GLRA3: variants seen among roughly 807,000 people sequenced by gnomAD.
The protein encoded by GLRA3 is glycine receptor subunit alpha-3.
Under a neutral mutation model 60.4 loss-of-function variants are expected in GLRA3, and 44 were observed. The ratio of observed to expected loss-of-function variants is 0.73; its 90% CI spans 0.57 to 0.94. The LOEUF (loss-of-function observed/expected upper bound fraction) is 0.94, where lower values mean the gene tolerates loss of function less well. GLRA3 is among the 40% of genes least tolerant of loss of function. The pLI, the probability that GLRA3 is intolerant of heterozygous loss-of-function variation, is 0.00. For missense variants in GLRA3, 508 were observed against 564.6 expected, an observed-to-expected ratio of 0.90 and a Z score of 1.02; for synonymous variants, 223 against 192.9, an observed-to-expected ratio of 1.16 and a Z score of -1.29.
At chr4:174,698,910 A>G (rs1252941079) in intron 5 of GLRA3, among the ~76,000 whole-genome samples, 3 of 152,190 alleles carry the variant, frequency 2.0e-5, no homozygotes, top group African/African-American at 7.2e-5. Context: ...ACAGAGACCC[A>G]GACATTACTG....
intron 7 of GLRA3, among the ~76,000 whole-genome samples, chr4:174,663,252 T>C (rs13106863): frequency 0.21 from 32,433 of 152,076 alleles, 4,015 homozygotes; most frequent in East Asian, 0.36. Context: ...CTGTATCAAA[T>C]GTCCATCTGT....
At chr4:174,714,872 G>A (rs1206421370) in intron 5 of GLRA3, among the ~76,000 whole-genome samples, 1 of 152,200 alleles carries the variant, frequency 6.6e-6, no homozygotes, top group African/African-American at 2.4e-5. Flanking sequence ...GGTCTACTTT[G>A]AAAGAAGAAA....
At position 174,677,102 on chromosome 4, in the gene GLRA3, T is replaced by C; in HGVS notation, c.903A>G (p.Ser301=). ...TTVLTMTTQS[S]GSRASLPKVS... Reference sequence around the variant, plus strand: ...CTTTTGGCAAGGAAGCTCGTGATCCTGAACTCTGTGTAGTCATCGTTAGCA... The same window carrying C: ...CTTTTGGCAAGGAAGCTCGTGATCCCGAACTCTGTGTAGTCATCGTTAGCA... Residue 301 remains serine, a synonymous_variant, in exon 7 of 10, where the codon TCA becomes TCG. Transcript: ENST00000274093. 1 of 1,611,806 alleles carries C rather than the reference T, an allele frequency of 6.2e-7. No homozygotes were observed. The highest frequency in any genetic ancestry group is 8.5e-7 in the Non-Finnish European group (1 of 1,177,960).
rs547163003 is a variant in GLRA3, at chr4:174,659,060, C to T, written c.1065G>A (p.Lys355=). ...KELLRFRRKR[K]NKTEAFALEK... ...AATACGTTTAATCACTTACCTTATT[C>T]TTTCTCTTTCGTCGAAATCTCAGAA... The change falls in exon 8 of 10, where the codon AAG becomes AAA. Residue 355 remains lysine, a synonymous_variant. Transcript: ENST00000274093. 356 of 1,612,370 alleles carry T rather than the reference C, an allele frequency of 2.2e-4. 3 individuals are homozygous for T. The South Asian group carries it at 3.7e-3, about 17-fold the overall frequency.
chr4:174,735,556 G>A (rs1736748084), intron 3 of GLRA3, among the ~76,000 whole-genome samples: 1 of 152,004 alleles, frequency 6.6e-6, no homozygotes, highest in Admixed American at 6.6e-5. Flanking sequence ...TTTGTATTTT[G>A]TATATTTATT....
chr4:174,652,225 A>C lies in GLRA3; in HGVS notation c.1116+4518T>G, dbSNP rs551270763. Among the ~76,000 whole-genome samples, 7 of 152,268 alleles carry C rather than the reference A, an allele frequency of 4.6e-5. No homozygotes were observed. In the South Asian group the frequency reaches 1.5e-3, roughly 32 times the overall value. On this transcript the variant is annotated intron_variant, in intron 9 of 9. Transcript: ENST00000274093. The stretch of plus-strand genomic sequence containing the variant: ...TATTCCTTATTATAATTAGCACTCA[A>C]ATTTTTTTTGAGATAATTTAATTTT...
In GLRA3 at chr4:174,642,768, C is replaced by A; in HGVS notation, c.*1018G>T. On this transcript the variant is annotated 3_prime_UTR_variant, in exon 10 of 10. Transcript: ENST00000274093. Reference sequence around the variant, plus strand: ...ATATTTGGAGATAGGAGTTGAGACCCATAAAACATTGATGGGAAAATGGTT... The same window carrying A: ...ATATTTGGAGATAGGAGTTGAGACCAATAAAACATTGATGGGAAAATGGTT... 5 of 771,842 alleles carry A rather than the reference C, an allele frequency of 6.5e-6. No homozygotes were observed. The highest frequency in any genetic ancestry group is 7.9e-6 in the Non-Finnish European group (5 of 635,312). The allele number at this position is 771,842 out of a possible 1,614,324, so 47.8% of individuals were successfully genotyped here.
chr4:174,795,088 A>T (rs1739510307), intron 1 of GLRA3, among the ~76,000 whole-genome samples: 1 of 151,104 alleles, frequency 6.6e-6, no homozygotes, highest in South Asian at 2.1e-4. Flanking sequence ...CTTTTTAAAG[A>T]TCAACATGTT....
chr4:174,671,362 G>A (rs67671118), intron 7 of GLRA3, among the ~76,000 whole-genome samples: 1 of 151,914 alleles, frequency 6.6e-6, no homozygotes, highest in Non-Finnish European at 1.5e-5. Flanking sequence ...CTAACACAAT[G>A]TACTCTCCTT....
chr4:174,655,704 A>G (rs1169473349), intron 9 of GLRA3, among the ~76,000 whole-genome samples: 1 of 152,154 alleles, frequency 6.6e-6, no homozygotes. Flanking sequence ...AAGATAATCA[A>G]ATAAAAGCAA....
At chr4:174,742,522 C>T (rs1375489274) in intron 3 of GLRA3, among the ~76,000 whole-genome samples, 3 of 152,080 alleles carry the variant, frequency 2.0e-5, no homozygotes, top group Admixed American at 6.5e-5. Context: ...TGGGCTTTTA[C>T]AGGGCAAGAC....
At chr4:174,803,339 G>T (rs969228735) in intron 1 of GLRA3, among the ~76,000 whole-genome samples, 6 of 152,148 alleles carry the variant, frequency 3.9e-5, no homozygotes, top group African/African-American at 1.2e-4. Context: ...CTGATTTGTA[G>T]CTTCTTAATG....
At chr4:174,745,225 T>C (rs1024471838) in intron 3 of GLRA3, among the ~76,000 whole-genome samples, 2 of 152,196 alleles carry the variant, frequency 1.3e-5, no homozygotes, top group African/African-American at 4.8e-5. Context: ...GAAAGCCTAT[T>C]TAATGAAATA....
At chr4:174,774,327 T>C (rs1365304303) in intron 2 of GLRA3, among the ~76,000 whole-genome samples, 2 of 152,044 alleles carry the variant, frequency 1.3e-5, no homozygotes, top group African/African-American at 4.8e-5. Flanking sequence ...TACAGAAGTA[T>C]AGAAGAAAAT....
At chr4:174,752,926 T>C (rs17060847) in intron 3 of GLRA3, among the ~76,000 whole-genome samples, 8,645 of 152,202 alleles carry the variant, frequency 0.057, 301 homozygotes, top group African/African-American at 0.08. Flanking sequence ...CTGCAGATTA[T>C]AGTACTACCT....
At chr4:174,759,753 G>A (rs942231266) in intron 3 of GLRA3, among the ~76,000 whole-genome samples, 5 of 151,950 alleles carry the variant, frequency 3.3e-5, no homozygotes, top group Admixed American at 2.0e-4. Flanking sequence ...ACTTGAAACC[G>A]ACCCATTAAA....
intron 1 of GLRA3, among the ~76,000 whole-genome samples, chr4:174,818,525 G>A (rs921796288): frequency 6.6e-6 from 1 of 152,130 alleles, no homozygotes; most frequent in African/African-American, 2.4e-5. Flanking sequence ...GGAGGCACCA[G>A]CAAAGGTCTG....
chr4:174,754,497 G>A (rs1737612005), intron 3 of GLRA3, among the ~76,000 whole-genome samples: 1 of 152,104 alleles, frequency 6.6e-6, no homozygotes, highest in Non-Finnish European at 1.5e-5. Flanking sequence ...CTTTCAGGCT[G>A]TTCCAAAAGA....
chr4:174,756,949 TGC>T (rs889952570), intron 3 of GLRA3, among the ~76,000 whole-genome samples: 2 of 152,174 alleles, frequency 1.3e-5, no homozygotes, highest in East Asian at 1.9e-4. Flanking sequence ...CCCGGCCAAA[TGC>T]CATTCTTAAT....
Sources: allele counts gnomAD v4.1 joint callset (sites outside exome capture counted in the v4.1 genomes callset), GRCh38; gene constraint gnomAD v4.1.1; transcripts MANE v1.5; gene names NCBI Gene and HGNC (gene_info 2026-07-23, HGNC 2026-07-21).